Variants in GCC2 observed in about 807,000 individuals in gnomAD.
GCC2 encodes GRIP and coiled-coil domain containing 2, also known as GRIP and coiled-coil domain-containing protein 2.
A neutral mutation model predicts 210.6 loss-of-function variants in GCC2; 120 were observed. The ratio of observed to expected loss-of-function variants is 0.57; its 90% confidence interval spans 0.49 to 0.66. GCC2 has a LOEUF of 0.66. GCC2 is among the 30% of genes least tolerant of loss of function. The pLI is 0.00. For synonymous variants in GCC2, 703 were observed against 652.7 expected, an observed-to-expected ratio of 1.08 and a Z score of -1.17; for missense variants, 1,868 against 1,871.9, an observed-to-expected ratio of 1.00 and a Z score of 0.04.
chr2:108,453,411 C>T (rs1680065573), intron 4 of GCC2, among the ~76,000 whole-genome samples: 2 of 152,130 alleles, frequency 1.3e-5, no homozygotes, highest in Admixed American at 6.5e-5. Context: ...CAATAAAAAC[C>T]TCACTGGGTT....
Position 108,449,245 on chromosome 2 carries a change from T to A in GCC2, c.-30T>A. Reference sequence around the variant, plus strand: ...ACAGAAGTGCAGCGGTGGCGGCGGCTGGTTGCGGGCCGGCGGCGGGCTGGC... The same window carrying A: ...ACAGAAGTGCAGCGGTGGCGGCGGCAGGTTGCGGGCCGGCGGCGGGCTGGC... On this transcript the variant is annotated 5_prime_UTR_variant, in exon 1 of 23. Transcript: ENST00000309863. The A allele has an allele frequency of 6.5e-7, 1 of 1,548,350 alleles. No individual in the cohort carries two copies. Among genetic ancestry groups the A allele is most frequent in the South Asian group, 1.2e-5 (1 of 83,908 alleles).
chr2:108,480,001 A>C (rs1456837855), intron 9 of GCC2, among the ~76,000 whole-genome samples: 4 of 119,788 alleles, frequency 3.3e-5, no homozygotes, highest in Non-Finnish European at 7.4e-5. Context: ...AAAAAAAAAA[A>C]AAAAAAAACG....
chr2:108,475,890 T>C, intron 9 of GCC2, 40 bp downstream of exon 9: 1 of 1,035,410 alleles, frequency 9.7e-7, no homozygotes, highest in East Asian at 2.4e-5. Context: ...ATAAAAGTTG[T>C]AATAATAACT....
intron 4 of GCC2, among the ~76,000 whole-genome samples, chr2:108,455,768 G>A (rs1264890967): frequency 6.6e-6 from 1 of 151,906 alleles, no homozygotes; most frequent in Non-Finnish European, 1.5e-5. Context: ...TTTTTTATGG[G>A]CATATAGTAT....
At chr2:108,449,760 G>A (rs1679813311) in intron 2 of GCC2, 71 bp downstream of exon 2, 1 of 1,192,804 alleles carries the variant, frequency 8.4e-7, no homozygotes, top group Non-Finnish European at 1.2e-6. Flanking sequence ...CTTTGGCATG[G>A]GGAAGGGGGG....
At chr2:108,490,393 T>C (rs1390543089) in intron 18 of GCC2, among the ~76,000 whole-genome samples, 2 of 152,224 alleles carry the variant, frequency 1.3e-5, no homozygotes, top group Non-Finnish European at 2.9e-5. Context: ...ATGCAAGTTA[T>C]CTTTGCAATT....
At chr2:108,466,027 C>T (rs1680865103) in intron 4 of GCC2, among the ~76,000 whole-genome samples, 1 of 152,062 alleles carries the variant, frequency 6.6e-6, no homozygotes, top group Admixed American at 6.5e-5. Context: ...GTTGCATTTC[C>T]CTGATGATTA....
At chr2:108,479,180 A>G (rs1025695) in intron 9 of GCC2, among the ~76,000 whole-genome samples, 58,285 of 151,960 alleles carry the variant, frequency 0.38, 12,681 homozygotes, top group East Asian at 0.89. Flanking sequence ...ATAAAAAATA[A>G]GCCAGATTCT....
At chr2:108,451,763 G>A (rs902634954) in intron 3 of GCC2, among the ~76,000 whole-genome samples, 1 of 151,604 alleles carries the variant, frequency 6.6e-6, no homozygotes, top group South Asian at 2.1e-4. Context: ...TAATTTATTT[G>A]GAAAGAAGTT....
In GCC2 at chr2:108,470,314, G is replaced by A. The variant is rs747229762; in HGVS notation, c.985G>A (p.Val329Ile). 17 of 1,612,036 alleles carry A rather than the reference G, an allele frequency of 1.1e-5. No individual in the cohort carries two copies. The highest frequency in any genetic ancestry group is 1.4e-5 in the Non-Finnish European group (17 of 1,179,154). The change falls in exon 6 of 23, where the codon GTA (valine) becomes ATA (isoleucine). Residue 329 changes from valine to isoleucine, a missense_variant. Around this residue, in one of 3 missense-constraint regions of GCC2, gnomAD observed 1,847 missense variants for 1,765.2 expected, o/e 1.05. Coordinates refer to ENST00000309863, the MANE Select transcript of GCC2 (RefSeq NM_181453.4). ...LLQENTFVEQ[V>I]VNEKVKHLED... ...GCAAGAAAATACATTTGTAGAACAA[G>A]TAGTAAATGAAAAAGTCAAACACTT...
intron 22 of GCC2, among the ~76,000 whole-genome samples, chr2:108,502,158 C>G (rs999664487): frequency 5.3e-5 from 8 of 152,110 alleles, no homozygotes; most frequent in African/African-American, 1.9e-4. Context: ...AAAATTATAA[C>G]TAATTTTATA....
intron 4 of GCC2, among the ~76,000 whole-genome samples, chr2:108,458,374 C>CTTTTTTTTTTTTTTTTTTTTT (rs70956257): frequency 1.0e-5 from 1 of 100,306 alleles, no homozygotes; most frequent in Non-Finnish European, 2.0e-5. Flanking sequence ...TTGTTGCTTT[C>CTTTTTTTTTTTTTTTTTTTTT]TTTTTTTTTT....
At chr2:108,468,161 A>G (rs1461368110) in intron 4 of GCC2, among the ~76,000 whole-genome samples, 3 of 151,896 alleles carry the variant, frequency 2.0e-5, no homozygotes, top group Non-Finnish European at 4.4e-5. Flanking sequence ...TCCTGGGTTC[A>G]AGCAATTCTC....
chr2:108,464,157 C>T (rs1312855415), intron 4 of GCC2, among the ~76,000 whole-genome samples: 3 of 152,048 alleles, frequency 2.0e-5, no homozygotes, highest in African/African-American at 4.8e-5. Context: ...CATGTTGTGT[C>T]GCTGCGACTA....
At chr2:108,454,379 G>A (rs1418487584) in intron 4 of GCC2, among the ~76,000 whole-genome samples, 2 of 152,182 alleles carry the variant, frequency 1.3e-5, no homozygotes, top group Non-Finnish European at 2.9e-5. Context: ...ATTACAAGGG[G>A]TCTTTAAATC....
At chr2:108,459,676 A>G (rs752987218) in intron 4 of GCC2, among the ~76,000 whole-genome samples, 6 of 127,030 alleles carry the variant, frequency 4.7e-5, no homozygotes, top group African/African-American at 1.2e-4. Context: ...TCAGGTTCAT[A>G]TATGTTTAGA....
At chr2:108,503,792 CA>C (rs1683046201) in intron 22 of GCC2, among the ~76,000 whole-genome samples, 1 of 152,210 alleles carries the variant, frequency 6.6e-6, no homozygotes, top group African/African-American at 2.4e-5. Context: ...TGGTGGATCA[CA>C]TTCAGAATAT....
At chr2:108,489,437 C>A (rs187445171) in intron 17 of GCC2, among the ~76,000 whole-genome samples, 11 of 152,088 alleles carry the variant, frequency 7.2e-5, no homozygotes, top group Admixed American at 7.2e-4. Context: ...ATCACTTGAA[C>A]CTGGGAGGCG....
intron 3 of GCC2, among the ~76,000 whole-genome samples, chr2:108,451,357 T>C (rs1177798596): frequency 1.3e-5 from 2 of 152,242 alleles, no homozygotes; most frequent in African/African-American, 4.8e-5. Context: ...TTTTAAAGTT[T>C]GTGTAAGTTA....
Sources: allele counts gnomAD v4.1 joint callset (sites outside exome capture counted in the v4.1 genomes callset), GRCh38; gene constraint gnomAD v4.1.1; regional missense constraint gnomAD v4.1.1; transcripts MANE v1.5; gene names NCBI Gene and HGNC (gene_info 2026-07-23, HGNC 2026-07-21).